ZNF292: variants seen among roughly 807,000 people sequenced by gnomAD.
ZNF292 encodes zinc finger protein 292.
ZNF292 carries 26 observed loss-of-function variants against 217.9 expected under a neutral mutation model. That is an observed-to-expected ratio of 0.12 (90% CI 0.09 to 0.17). The LOEUF (loss-of-function observed/expected upper bound fraction) is 0.17. Ranked by LOEUF, ZNF292 falls within the 10% of genes least tolerant of loss-of-function variation. ZNF292 has a pLI of 1.00. For synonymous variants in ZNF292, 1,257 were observed against 1,124.1 expected (o/e 1.12, Z -2.37); for missense variants, 2,904 against 3,175.2 (o/e 0.91, Z 2.05).
At chr6:87,203,609 G>A (rs745383114) in intron 1 of ZNF292, among the ~76,000 whole-genome samples, 6 of 151,880 alleles carry the variant, frequency 4.0e-5, no homozygotes, top group Admixed American at 2.6e-4. Context: ...GGGGGGTGGG[G>A]TGCTGCAATG....
At chr6:87,235,562 A>G (rs534136100) in intron 5 of ZNF292, among the ~76,000 whole-genome samples, 1 of 149,024 alleles carries the variant, frequency 6.7e-6, no homozygotes, top group Non-Finnish European at 1.5e-5. Context: ...TCAAGTAAAA[A>G]TCTAGTAAAA....
rs71014999 is a variant in ZNF292, at chr6:87,197,421, G to GT, written c.169-18465dup. 2.5e-3 allele frequency among the ~76,000 whole-genome samples: 356 copies of GT among 141,574 alleles called. 2 individuals are homozygous for GT. Among genetic ancestry groups the GT allele is most frequent in the East Asian group, 4.9e-3 (24 of 4,942 alleles). The allele number at this position is 141,574 out of a possible 152,430, so 92.9% of individuals were successfully genotyped here. On this transcript the variant is annotated intron_variant, in intron 1 of 7. Coordinates refer to ENST00000369577, the MANE Select transcript of ZNF292 (RefSeq NM_015021.3). ...AGAATATCAGATTTTTAACATTTGG[G>GT]TTTTTTTTTTTTTTTTTAAAGCATT...
At chr6:87,241,420 T>C (rs1254129569) in intron 5 of ZNF292, among the ~76,000 whole-genome samples, 1 of 145,832 alleles carries the variant, frequency 6.9e-6, no homozygotes, top group Non-Finnish European at 1.5e-5. Flanking sequence ...AGCTTGGATT[T>C]TTTTTTTTTT....
intron 1 of ZNF292, among the ~76,000 whole-genome samples, chr6:87,160,570 C>G (rs568110126): frequency 1.3e-5 from 2 of 150,012 alleles, no homozygotes; most frequent in South Asian, 2.1e-4. Flanking sequence ...ATACAGGAGA[C>G]TCTAATAAAA....
In ZNF292 at chr6:87,205,397, A is replaced by G. The variant is rs114524036; in HGVS notation, c.169-10506A>G. 7.6e-3 allele frequency among the ~76,000 whole-genome samples: 1,162 copies of G among 152,184 alleles called. 22 individuals carry two copies. The highest frequency in any genetic ancestry group is 0.025 in the African/African-American group (1,052 of 41,516). ...CCTGCTTGCTGGACTTTTCTATAAA[A>G]ATTGTATGATAATTATTTTTTTTTC... On this transcript the variant is annotated intron_variant, in intron 1 of 7. Transcript: ENST00000369577.
At chr6:87,173,209 A>AC (rs1317281714) in intron 1 of ZNF292, among the ~76,000 whole-genome samples, 2 of 110 alleles carry the variant, frequency 0.018, no homozygotes, top group Non-Finnish European at 0.022. Context: ...ATTTTGGCAC[A>AC]AAAAAAAATC....
intron 7 of ZNF292, among the ~76,000 whole-genome samples, chr6:87,247,835 G>T (rs1338732393): frequency 6.6e-6 from 1 of 152,112 alleles, no homozygotes; most frequent in Non-Finnish European, 1.5e-5. Flanking sequence ...GTATGAGAAA[G>T]TATCAAAATG....
intron 1 of ZNF292, among the ~76,000 whole-genome samples, chr6:87,197,020 G>C (rs1224394299): frequency 6.6e-6 from 1 of 152,186 alleles, no homozygotes; most frequent in Non-Finnish European, 1.5e-5. Flanking sequence ...GACCATCAGT[G>C]TGATAGAGCA....
In ZNF292 at chr6:87,263,090, A is replaced by G. The variant is rs1775685233; in HGVS notation, c.*1289A>G. 1 of 151,976 alleles carries G rather than the reference A, an allele frequency of 6.6e-6. No homozygotes were observed. Among genetic ancestry groups the G allele is most frequent in the African/African-American group, 2.4e-5 (1 of 41,412 alleles). The allele number at this position is 151,976 out of a possible 1,614,324, so 9.4% of individuals were successfully genotyped here. A position where few individuals can be genotyped will look rare whatever the true frequency, so the allele number is the denominator to read the frequency against. On this transcript the variant is annotated 3_prime_UTR_variant, in exon 8 of 8. Coordinates refer to ENST00000369577, the MANE Select transcript of ZNF292 (RefSeq NM_015021.3). ...TTGGTCTTCAAGAACAGTATTAGTT[A>G]TAATTATTTTGGTTATTCAGTATAT...
At chr6:87,235,451 T>C (rs1773857159) in intron 5 of ZNF292, among the ~76,000 whole-genome samples, 1 of 152,056 alleles carries the variant, frequency 6.6e-6, no homozygotes, top group Admixed American at 6.6e-5. Context: ...GAATAAGGGG[T>C]AGGCCCTTCA....
chr6:87,184,589 C>T (rs995294503), intron 1 of ZNF292, among the ~76,000 whole-genome samples: 1 of 151,390 alleles, frequency 6.6e-6, no homozygotes, highest in African/African-American at 2.4e-5. Flanking sequence ...TAGGGTTCTC[C>T]AGAGAGAGAA....
At position 87,261,188 on chromosome 6, in the gene ZNF292, G is replaced by A; in HGVS notation, c.7559G>A (p.Cys2520Tyr). 6.2e-7 allele frequency: 1 copy of A among 1,612,766 alleles called. No individual in the cohort carries two copies. The highest frequency in any genetic ancestry group is 8.5e-7 in the Non-Finnish European group (1 of 1,179,514). The stretch of plus-strand genomic sequence containing the variant: ...AATGATTTTCAGGAAGATAACCTCT[G>A]CCAGTCAGAAAGACAAAAAGCAAGT... ...VSNDFQEDNL[C>Y]QSERQKASNL... The change falls in exon 8 of 8, where the codon TGC becomes TAC. Residue 2520 changes from cysteine (C) to tyrosine (Y), a missense_variant. Physicochemically the swap from Cys to Tyr is radical, Grantham distance 194 (BLOSUM62 -2). Transcript: ENST00000369577.
rs563787877 is a variant in ZNF292 at position 87,233,162 on chromosome 6, T to C, written c.539-163T>C. 2.0e-5 allele frequency among the ~76,000 whole-genome samples: 3 copies of C among 152,282 alleles called. No homozygotes were observed. The East Asian group carries it at 5.8e-4, about 29-fold the overall frequency. Reference sequence around the variant, plus strand: ...TAAAAGTTAGCAATATAATCTCTTCTTGCTTATAAGGTCAAGTCTTTTGTG... The same window carrying C: ...TAAAAGTTAGCAATATAATCTCTTCCTGCTTATAAGGTCAAGTCTTTTGTG... On this transcript the variant is annotated intron_variant, in intron 4 of 7. Transcript: ENST00000369577.
At chr6:87,208,628 C>A (rs1772347486) in intron 1 of ZNF292, among the ~76,000 whole-genome samples, 1 of 151,782 alleles carries the variant, frequency 6.6e-6, no homozygotes, top group South Asian at 2.1e-4. Flanking sequence ...TGATTTCTCT[C>A]AACATTAGAA....
intron 1 of ZNF292, among the ~76,000 whole-genome samples, chr6:87,196,826 T>C (rs1193241970): frequency 6.6e-6 from 1 of 152,220 alleles, no homozygotes; most frequent in Non-Finnish European, 1.5e-5. Context: ...TTCTAGTCTT[T>C]GTATTATTCC....
chr6:87,177,020 G>C (rs7758360), intron 1 of ZNF292, among the ~76,000 whole-genome samples: 77,771 of 151,402 alleles, frequency 0.51, 21,012 homozygotes, highest in African/African-American at 0.67. Flanking sequence ...CCTCCCCACA[G>C]ACACACACTT....
In ZNF292 at chr6:87,218,722, A is replaced by G; in HGVS notation, c.529A>G (p.Lys177Glu). ...CTILSQEPLD[K>E]DKVNEFLAFE... ...TATTCTTTCCCAGGAACCATTGGATAAGGATAAAGGTAAATTTTCGAGAGA... is the reference window on the plus strand; with the variant it reads ...TATTCTTTCCCAGGAACCATTGGATGAGGATAAAGGTAAATTTTCGAGAGA... Residue 177 changes from lysine (K) to glutamate (E), a missense_variant, in exon 4 of 8, where the codon AAG becomes GAG. Coordinates refer to ENST00000369577, the MANE Select transcript of ZNF292 (RefSeq NM_015021.3). 1 of 1,583,404 alleles carries G rather than the reference A, an allele frequency of 6.3e-7. No homozygotes were observed. Among genetic ancestry groups the G allele is most frequent in the Non-Finnish European group, 8.6e-7 (1 of 1,169,414 alleles).
At chr6:87,160,233 A>G (rs1220555874) in intron 1 of ZNF292, among the ~76,000 whole-genome samples, 1 of 152,258 alleles carries the variant, frequency 6.6e-6, no homozygotes, top group Non-Finnish European at 1.5e-5. Flanking sequence ...GGGAGTTTTA[A>G]AAGAAACATT....
chr6:87,241,080 C>T (rs13200491), intron 5 of ZNF292, among the ~76,000 whole-genome samples: 4 of 152,246 alleles, frequency 2.6e-5, no homozygotes, highest in South Asian at 2.1e-4. Flanking sequence ...GTCAGGAGAT[C>T]GAGACCATCC....
Sources: gnomAD v4.1 joint callset for allele counts (sites outside exome capture counted in the v4.1 genomes callset) on GRCh38, gnomAD v4.1.1 for gene constraint, MANE v1.5 for transcripts, NCBI Gene and HGNC (gene_info 2026-07-23, HGNC 2026-07-21) for gene names.